The following GRAMD1B variants were observed in gnomAD, a reference collection of about 807,000 sequenced individuals.
GRAMD1B encodes the protein GRAM domain containing 1B.
In GRAMD1B, 37 loss-of-function variants were observed where a neutral mutation model predicts 99.7. That is an observed-to-expected ratio of 0.37 (90% confidence interval 0.29 to 0.49). The LOEUF is 0.49. GRAMD1B is among the 20% of genes least tolerant of loss of function. The pLI is 0.98. For synonymous variants in GRAMD1B, 427 were observed against 387.6 expected (o/e 1.10, Z -1.19); for missense variants, 888 against 1,009.2 (o/e 0.88, Z 1.63).
chr11:123,395,288 T>C (rs1177200577), intron 1 of GRAMD1B, among the ~76,000 whole-genome samples: 3 of 152,148 alleles, frequency 2.0e-5, no homozygotes, highest in Non-Finnish European at 4.4e-5. Flanking sequence ...AGTGGCTTTC[T>C]TTCTCAGCTA....
chr11:123,569,040 T>C (rs1453863852), intron 2 of GRAMD1B, among the ~76,000 whole-genome samples: 1 of 152,168 alleles, frequency 6.6e-6, no homozygotes, highest in African/African-American at 2.4e-5. Context: ...ATTGGCACTG[T>C]TGGGCATCTG....
intron 1 of GRAMD1B, among the ~76,000 whole-genome samples, chr11:123,391,788 C>T (rs752556268): frequency 2.0e-5 from 3 of 152,172 alleles, no homozygotes; most frequent in Non-Finnish European, 2.9e-5. Flanking sequence ...AAATATGTGA[C>T]TAAGCACTTA....
chr11:123,534,773 G>A (rs904471631), intron 2 of GRAMD1B, among the ~76,000 whole-genome samples: 1 of 152,148 alleles, frequency 6.6e-6, no homozygotes, highest in East Asian at 1.9e-4. Flanking sequence ...GCTGAGGCAG[G>A]AGAATTGCTT....
At chr11:123,592,645 C>G (rs1315454641) in intron 4 of GRAMD1B, among the ~76,000 whole-genome samples, 1 of 152,078 alleles carries the variant, frequency 6.6e-6, no homozygotes, top group Non-Finnish European at 1.5e-5. Context: ...TATCTCAGTG[C>G]CAGTTTGAAA....
At chr11:123,520,674 GA>G (rs773911597) in intron 2 of GRAMD1B, among the ~76,000 whole-genome samples, 6 of 150,576 alleles carry the variant, frequency 4.0e-5, no homozygotes, top group Non-Finnish European at 5.9e-5. Context: ...AGCTATTCAG[GA>G]AGCTGAGGTG....
chr11:123,461,076 C>A (rs1023927775), intron 1 of GRAMD1B, among the ~76,000 whole-genome samples: 13 of 152,120 alleles, frequency 8.5e-5, no homozygotes, highest in African/African-American at 2.7e-4. Context: ...AAATTAATAG[C>A]CAGTTGGGAA....
chr11:123,399,678 C>T (rs1947590758), intron 1 of GRAMD1B, among the ~76,000 whole-genome samples: 3 of 152,096 alleles, frequency 2.0e-5, no homozygotes, highest in Non-Finnish European at 4.4e-5. Flanking sequence ...GGCATGATCT[C>T]GGCTCACTGC....
intron 2 of GRAMD1B, among the ~76,000 whole-genome samples, chr11:123,506,627 A>T (rs1940459651): frequency 1.3e-5 from 2 of 152,312 alleles, no homozygotes; most frequent in East Asian, 3.9e-4. Context: ...CAAAAAGCAA[A>T]TACATACAAT....
At chr11:123,437,831 C>T (rs561347802) in intron 1 of GRAMD1B, among the ~76,000 whole-genome samples, 19 of 152,192 alleles carry the variant, frequency 1.2e-4, no homozygotes, top group African/African-American at 3.6e-4. Context: ...AGACTTGTTT[C>T]GGGTTTCAGC....
intron 2 of GRAMD1B, among the ~76,000 whole-genome samples, chr11:123,495,397 A>G (rs1939128756): frequency 6.6e-6 from 1 of 152,154 alleles, no homozygotes; most frequent in Non-Finnish European, 1.5e-5. Context: ...CCCCTCAAGC[A>G]TGTATTCTTT....
At chr11:123,553,008 T>C (rs1207762508) in intron 2 of GRAMD1B, among the ~76,000 whole-genome samples, 1 of 152,248 alleles carries the variant, frequency 6.6e-6, no homozygotes, top group Non-Finnish European at 1.5e-5. Context: ...TAGGTTAAAA[T>C]AGTATAGACC....
intron 1 of GRAMD1B, among the ~76,000 whole-genome samples, chr11:123,391,927 A>T (rs115221945): frequency 0.012 from 1,827 of 152,320 alleles, 39 homozygotes; most frequent in African/African-American, 0.043. Context: ...AAGTACATTT[A>T]CAAAATGTCA....
chr11:123,507,527 T>A (rs1940556552), intron 2 of GRAMD1B, among the ~76,000 whole-genome samples: 1 of 152,186 alleles, frequency 6.6e-6, no homozygotes, highest in Admixed American at 6.5e-5. Context: ...CACGTTCCTC[T>A]AACAGGATGT....
At chr11:123,405,752 C>CAT (rs1947833925) in intron 1 of GRAMD1B, among the ~76,000 whole-genome samples, 1 of 152,090 alleles carries the variant, frequency 6.6e-6, no homozygotes, top group Non-Finnish European at 1.5e-5. Flanking sequence ...GGGGAGAGGG[C>CAT]ATAGTAGGCA....
chr11:123,466,452 G>GAAAGAAAGAAAGAAAGA (rs1357561148), intron 1 of GRAMD1B, among the ~76,000 whole-genome samples: 2 of 128,534 alleles, frequency 1.6e-5, no homozygotes, highest in East Asian at 2.0e-4. Context: ...GAAAGAAAGA[G>GAAAGAAAGAAAGAAAGA]AAAGAAAGAA....
chr11:123,474,854 A>C (rs1031961846), intron 1 of GRAMD1B, among the ~76,000 whole-genome samples: 3 of 152,350 alleles, frequency 2.0e-5, no homozygotes, highest in Admixed American at 1.3e-4. Context: ...GATGCAGTAC[A>C]TTAGTCTCTG....
At chr11:123,464,523 C>T (rs1319372181) in intron 1 of GRAMD1B, among the ~76,000 whole-genome samples, 1 of 152,104 alleles carries the variant, frequency 6.6e-6, no homozygotes, top group Non-Finnish European at 1.5e-5. Context: ...AAACATTTGT[C>T]AGCACAGATA....
chr11:123,613,116 A>G, intron 15 of GRAMD1B: 1 of 557,916 alleles, frequency 1.8e-6, no homozygotes, highest in Non-Finnish European at 3.2e-6. Flanking sequence ...CCCTCACCCC[A>G]AAAGGAACCA....
intron 2 of GRAMD1B, among the ~76,000 whole-genome samples, chr11:123,546,025 G>A (rs1008235074): frequency 5.3e-5 from 8 of 152,336 alleles, no homozygotes; most frequent in African/African-American, 1.7e-4. Flanking sequence ...GGACAGCATC[G>A]GCAAGTCTGT....
Sources: gnomAD v4.1 joint callset for allele counts (sites outside exome capture counted in the v4.1 genomes callset) on GRCh38, gnomAD v4.1.1 for gene constraint, MANE v1.5 for transcripts, NCBI Gene and HGNC (gene_info 2026-07-23, HGNC 2026-07-21) for gene names.